Variants in SEC23A observed in about 807,000 individuals in gnomAD.
SEC23A encodes SEC23 homolog A, COPII component.
SEC23A carries 56 observed loss-of-function variants against 103.7 expected under a neutral mutation model. The ratio of observed to expected loss-of-function variants is 0.54; its 90% CI spans 0.44 to 0.67. The LOEUF is 0.67. Among genes scored for constraint, SEC23A ranks in the 30% least tolerant of loss-of-function variants. The pLI, the probability that SEC23A is intolerant of heterozygous loss-of-function variation, is 0.00. For synonymous variants in SEC23A, 281 were observed against 293.0 expected, an observed-to-expected ratio of 0.96 and a Z score of 0.42; for missense variants, 784 against 936.4, an observed-to-expected ratio of 0.84 and a Z score of 2.12.
chr14:39,045,805 G>A (rs1885811829), intron 15 of SEC23A, among the ~76,000 whole-genome samples: 1 of 152,126 alleles, frequency 6.6e-6, no homozygotes, highest in South Asian at 2.1e-4. Flanking sequence ...ATATCTTTGG[G>A]CTTTTTTATT....
At position 39,086,959 on chromosome 14, in the gene SEC23A, G is replaced by A; in HGVS notation, c.653C>T (p.Pro218Leu). 6.3e-7 allele frequency: 1 copy of A among 1,597,622 alleles called. No homozygotes were observed. Among genetic ancestry groups the A allele is most frequent in the Non-Finnish European group, 8.6e-7 (1 of 1,164,938 alleles). The change falls in exon 6 of 20, where the codon CCT becomes CTT. Residue 218 changes from proline to leucine, a missense_variant. This residue lies in a region of SEC23A where 683 missense variants were observed against 774.2 expected (regional missense o/e 0.88). Transcript: ENST00000307712. ...GGAAGGAGGTGGCTGCTGTACCTGA[G>A]GACCACGTGTTGCTTGAGTAAGTGG... ...KVPLTQATRG[P>L]QVQQPPPSNR...
At chr14:39,046,729 T>C (rs920360573) in intron 15 of SEC23A, among the ~76,000 whole-genome samples, 3 of 152,210 alleles carry the variant, frequency 2.0e-5, no homozygotes, top group African/African-American at 7.2e-5. Context: ...CCCTTCCACC[T>C]ACTCCTCACA....
Position 39,094,227 on chromosome 14 carries a change from TATATATATATGCATATATACACATATAC to T in SEC23A, c.222-1011_222-984del, listed in dbSNP as rs199902481. Among the ~76,000 whole-genome samples the T allele has an allele frequency of 7.2e-5, 6 of 83,438 alleles. No individual in the cohort carries two copies. In the South Asian group the frequency reaches 2.1e-3, roughly 30 times the overall value. The allele number at this position is 83,438 out of a possible 152,430, so 54.7% of individuals were successfully genotyped here. On this transcript the variant is annotated intron_variant, in intron 2 of 19. Coordinates refer to ENST00000307712, the MANE Select transcript of SEC23A (RefSeq NM_006364.4). The stretch of plus-strand genomic sequence containing the variant: ...ATATATATGCATATATACACATACA[TATATATATATGCATATATACACATATAC>T]ATATATATGCATATATACACATATA...
At position 39,101,805 on chromosome 14, in the gene SEC23A, A is replaced by G. The variant is rs550218020; in HGVS notation, c.-22+1227T>C. Among the ~76,000 whole-genome samples, 11 of 152,330 alleles carry G rather than the reference A, an allele frequency of 7.2e-5. No homozygotes were observed. In the South Asian group the frequency reaches 2.1e-3, roughly 29 times the overall value. On this transcript the variant is annotated intron_variant, in intron 1 of 19. Transcript: ENST00000307712. ...CTACTTTTCACTTCCAAAATCCTCA[A>G]TGAATTGTCTTCTTATGATCTTGGA...
intron 7 of SEC23A, among the ~76,000 whole-genome samples, chr14:39,077,222 C>A: frequency 1.3e-5 from 1 of 79,942 alleles, no homozygotes. Context: ...AGCAAGACTC[C>A]ATCTCAAAAA....
chr14:39,065,019 C>G, intron 10 of SEC23A, 26 bp from the exon 11 acceptor site: 2 of 1,457,274 alleles, frequency 1.4e-6, no homozygotes, highest in Non-Finnish European at 9.6e-7. Flanking sequence ...ACAGCATGTT[C>G]GGTTTCCTCA....
chr14:39,067,666 C>CTTT (rs762046832), intron 9 of SEC23A, among the ~76,000 whole-genome samples: 4 of 82,138 alleles, frequency 4.9e-5, no homozygotes, highest in African/African-American at 5.1e-5. Context: ...CATGCATTCT[C>CTTT]TTTTTTTTTT....
intron 10 of SEC23A, among the ~76,000 whole-genome samples, chr14:39,066,009 A>AAAC (rs1886652710): frequency 7.8e-5 from 4 of 51,000 alleles, no homozygotes; most frequent in Admixed American, 2.5e-4. Flanking sequence ...AAAAAAAAAA[A>AAAC]AAAAAAAAAA....
At chr14:39,046,934 A>G (rs968182410) in intron 15 of SEC23A, among the ~76,000 whole-genome samples, 1 of 152,200 alleles carries the variant, frequency 6.6e-6, no homozygotes, top group Non-Finnish European at 1.5e-5. Flanking sequence ...GCTTTCTCCC[A>G]ACATGTCATT....
At chr14:39,096,420 C>T (rs1347175498) in intron 1 of SEC23A, among the ~76,000 whole-genome samples, 1 of 151,986 alleles carries the variant, frequency 6.6e-6, no homozygotes, top group Non-Finnish European at 1.5e-5. Context: ...ATCCCAGCTA[C>T]TCAGGAGGCT....
chr14:39,083,340 G>A (rs991662051), intron 7 of SEC23A, among the ~76,000 whole-genome samples: 7 of 151,972 alleles, frequency 4.6e-5, no homozygotes, highest in African/African-American at 1.7e-4. Context: ...GCACCTACCT[G>A]TGTCTCTCAC....
intron 9 of SEC23A, among the ~76,000 whole-genome samples, chr14:39,068,044 T>C (rs1886732700): frequency 6.6e-6 from 1 of 152,168 alleles, no homozygotes; most frequent in African/African-American, 2.4e-5. Flanking sequence ...AATATACATG[T>C]TATACCAAGC....
chr14:39,038,947 C>T, intron 19 of SEC23A, 84 bp downstream of exon 19: 3 of 1,196,542 alleles, frequency 2.5e-6, no homozygotes, highest in Non-Finnish European at 3.7e-6. Flanking sequence ...ACTAAATACA[C>T]AGGAAAAAAA....
At chr14:39,095,298 C>CT (rs111385262) in intron 2 of SEC23A, among the ~76,000 whole-genome samples, 3,451 of 143,632 alleles carry the variant, frequency 0.024, 124 homozygotes, top group African/African-American at 0.075. Context: ...TCAATCACAA[C>CT]TTTTTTTTTT....
At chr14:39,090,072 G>T (rs1237947568) in intron 5 of SEC23A, among the ~76,000 whole-genome samples, 1 of 152,084 alleles carries the variant, frequency 6.6e-6, no homozygotes. Context: ...AATTCCCCTA[G>T]TATGTTCTCT....
intron 7 of SEC23A, among the ~76,000 whole-genome samples, chr14:39,081,688 T>C (rs1032720507): frequency 8.6e-5 from 13 of 152,044 alleles, no homozygotes; most frequent in African/African-American, 1.2e-4. Flanking sequence ...TATGGAAAAG[T>C]GGGAAGGATA....
At chr14:39,053,712 G>T (rs1434489364) in intron 14 of SEC23A, among the ~76,000 whole-genome samples, 1 of 152,108 alleles carries the variant, frequency 6.6e-6, no homozygotes, top group Non-Finnish European at 1.5e-5. Flanking sequence ...CCACACAAAA[G>T]CCACTGGACA....
intron 13 of SEC23A, among the ~76,000 whole-genome samples, chr14:39,060,771 G>A (rs570222654): frequency 5.3e-5 from 8 of 152,192 alleles, no homozygotes; most frequent in Non-Finnish European, 1.0e-4. Flanking sequence ...GCTGGGCAAA[G>A]AGCCCATGAA....
intron 7 of SEC23A, among the ~76,000 whole-genome samples, chr14:39,084,320 C>T (rs1433391710): frequency 2.6e-5 from 4 of 152,114 alleles, no homozygotes; most frequent in Non-Finnish European, 4.4e-5. Context: ...ACCACCGCAC[C>T]CAGCCACTAT....
Sources: gnomAD v4.1 joint callset for allele counts (sites outside exome capture counted in the v4.1 genomes callset) on GRCh38, gnomAD v4.1.1 for gene constraint, gnomAD v4.1.1 regional missense constraint, MANE v1.5 for transcripts, NCBI Gene and HGNC (gene_info 2026-07-23, HGNC 2026-07-21) for gene names.